The following CAMK2B variants were observed in gnomAD, a reference collection of about 807,000 sequenced individuals.
CAMK2B encodes calcium/calmodulin dependent protein kinase II beta.
A neutral mutation model predicts 93.7 loss-of-function variants in CAMK2B; 27 were observed. The ratio of observed to expected loss-of-function variants is 0.29; its 90% CI spans 0.21 to 0.40. CAMK2B has a LOEUF of 0.40. CAMK2B is among the 10% of genes least tolerant of loss of function. The pLI is 1.00. For synonymous variants in CAMK2B, 374 were observed against 358.8 expected (o/e 1.04, Z -0.48); for missense variants, 568 against 895.8 (o/e 0.63, Z 4.67).
At chr7:44,231,919 C>T (rs137946811) in intron 16 of CAMK2B, among the ~76,000 whole-genome samples, 262 of 152,344 alleles carry the variant, frequency 1.7e-3, no homozygotes, top group African/African-American at 5.8e-3. Context: ...GCTTGGAGGC[C>T]CTAGACCAGA....
At chr7:44,226,673 C>T (rs749422781) in intron 19 of CAMK2B, 29 bp from the exon 20 acceptor site, 2 of 1,510,846 alleles carry the variant, frequency 1.3e-6, no homozygotes, top group Non-Finnish European at 1.8e-6. Flanking sequence ...GACGTGAACA[C>T]AAGGCAGGCA....
Position 44,243,291 on chromosome 7 carries a change from C to A in CAMK2B, c.560G>T (p.Arg187Leu). 6.2e-7 allele frequency: 1 copy of A among 1,613,990 alleles called. No individual in the cohort carries two copies. The highest frequency in any genetic ancestry group is 8.5e-7 in the Non-Finnish European group (1 of 1,179,942). ...CACAGGCTTGCCATACGCCTCTTTG[C>A]GAAGGACCTCAGGGGACAGGTAGCC... is the stretch of plus-strand genomic sequence containing the variant. ...TPGYLSPEVL[R>L]KEAYGKPVDI... Residue 187 changes from arginine (R) to leucine (L), a missense_variant, in exon 8 of 24, where the codon CGC (arginine) becomes CTC (leucine). Arg to Leu is a moderately radical substitution (Grantham distance 102). This residue lies in a region of CAMK2B where 105 missense variants were observed against 372.4 expected (regional missense o/e 0.28). Transcript: ENST00000395749.
chr7:44,259,058 G>A (rs1237761920), intron 3 of CAMK2B, 132 bp from the exon 4 acceptor site: 4 of 807,694 alleles, frequency 5.0e-6, no homozygotes, highest in Non-Finnish European at 6.2e-6. Context: ...GCTGGGTAGG[G>A]CCCGGGTGGG....
chr7:44,249,478 C>A (rs2096759961), intron 5 of CAMK2B, among the ~76,000 whole-genome samples: 5 of 152,192 alleles, frequency 3.3e-5, no homozygotes, highest in Admixed American at 3.3e-4. Flanking sequence ...GCAGTGCTGA[C>A]CAGATCCTGT....
chr7:44,250,567 T>C (rs958745272), intron 5 of CAMK2B, among the ~76,000 whole-genome samples: 1 of 148,348 alleles, frequency 6.7e-6, no homozygotes, highest in Non-Finnish European at 1.5e-5. Flanking sequence ...TCTCGCTCTG[T>C]CACCCAGGCT....
intron 15 of CAMK2B, among the ~76,000 whole-genome samples, chr7:44,233,926 A>G (rs968613880): frequency 5.3e-5 from 8 of 152,176 alleles, no homozygotes; most frequent in African/African-American, 1.4e-4. Context: ...ATGTGCCACT[A>G]TGGGCTGTTC....
chr7:44,234,401 G>T lies in CAMK2B; in HGVS notation c.1120C>A (p.Pro374Thr). Residue 374 changes from proline to threonine, a missense_variant, in exon 15 of 24, where the codon CCT becomes ACT. By Grantham distance (38) the Pro-to-Thr change is conservative. This residue lies in a region of CAMK2B where 308 missense variants were observed against 292.1 expected (regional missense o/e 1.05). Transcript: ENST00000395749. Reference protein sequence around the residue: ...AATSPKGTLPPAALEPQTTVI... With the variant: ...AATSPKGTLPTAALEPQTTVI... ...GAGGAGCTCAGTACCAGGGCGGCAGGAGGAAGCGTCCCTTTGGGGCTGGTG... is the reference window on the plus strand; with the variant it reads ...GAGGAGCTCAGTACCAGGGCGGCAGTAGGAAGCGTCCCTTTGGGGCTGGTG... The T allele has an allele frequency of 6.5e-7, 1 of 1,531,048 alleles. No homozygotes were observed. The highest frequency in any genetic ancestry group is 2.3e-5 in the East Asian group (1 of 43,338). 94.8% of individuals were successfully genotyped at this position (1,531,048 alleles called of 1,614,324 possible).
chr7:44,300,615 G>A (rs929822750), intron 1 of CAMK2B, among the ~76,000 whole-genome samples: 1 of 152,140 alleles, frequency 6.6e-6, no homozygotes, highest in Admixed American at 6.5e-5. Context: ...CTAACACAGA[G>A]CATCAAAATA....
At chr7:44,258,752 C>T in intron 4 of CAMK2B, 120 bp downstream of exon 4, 1 of 855,964 alleles carries the variant, frequency 1.2e-6, no homozygotes, top group Non-Finnish European at 1.9e-6. Flanking sequence ...CAGAAGCACA[C>T]TCAAGGGAGT....
chr7:44,325,102 C>A (rs2116747097), intron 1 of CAMK2B: 1 of 151,134 alleles, frequency 6.6e-6, no homozygotes, highest in East Asian at 2.0e-4. Context: ...CGCCAAGTCG[C>A]GAGCCCGGAG....
chr7:44,246,820 C>A (rs775704847), intron 6 of CAMK2B, among the ~76,000 whole-genome samples: 2 of 152,140 alleles, frequency 1.3e-5, no homozygotes, highest in Non-Finnish European at 2.9e-5. Flanking sequence ...CATGCACACA[C>A]ATACTTCTAT....
chr7:44,250,416 C>T (rs2096769205), intron 5 of CAMK2B, among the ~76,000 whole-genome samples: 1 of 152,146 alleles, frequency 6.6e-6, no homozygotes, highest in Non-Finnish European at 1.5e-5. Flanking sequence ...TAGAATTGTT[C>T]CCAAGCAGCA....
In CAMK2B at chr7:44,220,103, G is replaced by A; in HGVS notation, c.1960C>T (p.His654Tyr). 6.2e-7 allele frequency: 1 copy of A among 1,609,376 alleles called. No homozygotes were observed. Among genetic ancestry groups the A allele is most frequent in the Non-Finnish European group, 8.5e-7 (1 of 1,179,192 alleles). ...HRRDGKWQNV[H>Y]FHCSGAPVAP... ...ACAGGCGCGCCCGAGCAGTGGAAGT[G>A]CACGTTCTGCCACTTGCCGTCGCGG... Residue 654 changes from histidine (H) to tyrosine (Y), a missense_variant, in exon 23 of 24, where the codon CAC becomes TAC. Coordinates refer to ENST00000395749, the MANE Select transcript of CAMK2B (RefSeq NM_001220.5).
rs765355723 is a variant in CAMK2B, at chr7:44,228,878, T to C, written c.1386A>G (p.Gly462=). 6.9e-6 allele frequency: 11 copies of C among 1,588,666 alleles called. No individual in the cohort carries two copies. Among genetic ancestry groups the C allele is most frequent in the East Asian group, 2.3e-5 (1 of 43,948 alleles). Residue 462 remains glycine (G), a synonymous_variant, in exon 19 of 24, where the codon GGA becomes GGG. Transcript: ENST00000395749. ...AGAGGGGGCCCTCGGCTTCTGGGGT[T>C]CCTGAACCCCTTCTCACAGAGTTCA... The part of the protein sequence containing the change: ...DILNSVRRGS[G]TPEAEGPLSA...
At chr7:44,221,240 C>T (rs1043540780) in intron 20 of CAMK2B, among the ~76,000 whole-genome samples, 3 of 152,338 alleles carry the variant, frequency 2.0e-5, no homozygotes, top group African/African-American at 4.8e-5. Flanking sequence ...ACGTGCTGTC[C>T]GCCACAGTCT....
In CAMK2B at chr7:44,229,410, G is replaced by C. The variant is rs2096556093; in HGVS notation, c.1317C>G (p.Pro439=). 1 of 1,521,518 alleles carries C rather than the reference G, an allele frequency of 6.6e-7. No individual in the cohort carries two copies. Among genetic ancestry groups the C allele is most frequent in the Non-Finnish European group, 8.8e-7 (1 of 1,135,018 alleles). The allele number at this position is 1,521,518 out of a possible 1,614,324, so 94.3% of individuals were successfully genotyped here. The part of the protein sequence containing the change: ...EGPLPCPSPA[P]FSPLPAPSPR... ...TACATGGGGCTGGCAGGGGGCTAAA[G>C]GGAGCCGGAGATGGGCAGGGCAGGG... Residue 439 remains proline, a synonymous_variant, in exon 18 of 24, where the codon CCC becomes CCG. Transcript: ENST00000395749.
intron 12 of CAMK2B, among the ~76,000 whole-genome samples, chr7:44,240,386 A>C (rs754277070): frequency 7.2e-5 from 11 of 152,186 alleles, no homozygotes; most frequent in Non-Finnish European, 1.2e-4. Flanking sequence ...AGGAGGCCAC[A>C]TAGATGCCCG....
chr7:44,254,467 G>A lies in CAMK2B; in HGVS notation c.341+75C>T, dbSNP rs796796555. On this transcript the variant is annotated intron_variant, in intron 5 of 23. Coordinates refer to ENST00000395749, the MANE Select transcript of CAMK2B (RefSeq NM_001220.5). The stretch of plus-strand genomic sequence containing the variant: ...CACCAGACGTGGGTTAGAAAGAGCA[G>A]CAGGAGTGGGTGAAGGAGGGATGGT... The A allele has an allele frequency of 2.8e-5, 30 of 1,074,910 alleles. No individual in the cohort carries two copies. The African/African-American group carries it at 4.5e-4, about 16-fold the overall frequency. The allele number at this position is 1,074,910 out of a possible 1,614,324, so 66.6% of individuals were successfully genotyped here. A position where few individuals can be genotyped will look rare whatever the true frequency, so the allele number is the denominator to read the frequency against.
chr7:44,318,584 C>T lies in CAMK2B; in HGVS notation c.65+6773G>A, dbSNP rs1795351670. Among the ~76,000 whole-genome samples the T allele has an allele frequency of 4.6e-5, 7 of 152,242 alleles. 1 individual carries two copies. Among genetic ancestry groups the T allele is most frequent in the Admixed American group, 4.6e-4 (7 of 15,280 alleles). ...CACTCACTGGGATGTGCTTGACACCCAGAGGGCATTACAGCAAAAGGCATA... is the reference window on the plus strand; with the variant it reads ...CACTCACTGGGATGTGCTTGACACCTAGAGGGCATTACAGCAAAAGGCATA... On this transcript the variant is annotated intron_variant, in intron 1 of 23. Coordinates refer to ENST00000395749, the MANE Select transcript of CAMK2B (RefSeq NM_001220.5).
Sources: gnomAD v4.1 joint callset for allele counts (sites outside exome capture counted in the v4.1 genomes callset) on GRCh38, gnomAD v4.1.1 for gene constraint, gnomAD v4.1.1 regional missense constraint, MANE v1.5 for transcripts, NCBI Gene and HGNC (gene_info 2026-07-23, HGNC 2026-07-21) for gene names.